Variants in LRMDA observed in about 807,000 individuals in gnomAD.
LRMDA encodes leucine-rich melanocyte differentiation-associated protein.
Under a neutral mutation model 29.8 loss-of-function variants are expected in LRMDA, and 18 were observed. The observed-to-expected ratio is 0.60, with a 90% confidence interval of 0.42 to 0.90. LRMDA has a LOEUF of 0.90. Ranked by LOEUF, LRMDA falls within the 40% of genes least tolerant of loss-of-function variation. The pLI is 0.00. For synonymous variants in LRMDA, 125 were observed against 109.4 expected (o/e 1.14, Z -0.89); for missense variants, 273 against 273.9 (o/e 1.00, Z 0.02).
intron 2 of LRMDA, among the ~76,000 whole-genome samples, chr10:75,735,790 T>C (rs1197469569): frequency 2.6e-5 from 4 of 152,198 alleles, no homozygotes; most frequent in Non-Finnish European, 4.4e-5. Flanking sequence ...CTCAGCAAGA[T>C]ATTCACGAGT....
intron 2 of LRMDA, among the ~76,000 whole-genome samples, chr10:75,672,553 CCCCTCCCCTCCCCTTCCCTTCCCTT>C (rs1841908333): frequency 4.2e-4 from 6 of 14,214 alleles, no homozygotes; most frequent in Admixed American, 8.2e-4. Context: ...CCCCTCCCCT[CCCCTCCCCTCCCCTTCCCTTCCCTT>C]CCCTTCCCTG....
chr10:75,787,659 T>G (rs1303875116), intron 2 of LRMDA, among the ~76,000 whole-genome samples: 1 of 152,242 alleles, frequency 6.6e-6, no homozygotes, highest in Non-Finnish European at 1.5e-5. Flanking sequence ...TAAAACATTT[T>G]TATTATAACA....
At chr10:75,582,696 C>G (rs1175231563) in intron 2 of LRMDA, among the ~76,000 whole-genome samples, 1 of 152,208 alleles carries the variant, frequency 6.6e-6, no homozygotes, top group Non-Finnish European at 1.5e-5. Context: ...CTGCAGCCTG[C>G]TTGAATTTCT....
chr10:76,274,247 A>C (rs563824063), intron 5 of LRMDA, among the ~76,000 whole-genome samples: 1 of 152,288 alleles, frequency 6.6e-6, no homozygotes, highest in East Asian at 1.9e-4. Context: ...TCCTCCATTT[A>C]GTTAATCCCA....
chr10:76,456,318 T>C (rs1170949385), intron 6 of LRMDA, among the ~76,000 whole-genome samples: 1 of 152,196 alleles, frequency 6.6e-6, no homozygotes, highest in African/African-American at 2.4e-5. Context: ...TGAAGTTTTA[T>C]CATGGAGGCC....
intron 5 of LRMDA, among the ~76,000 whole-genome samples, chr10:76,254,556 C>T (rs1852555621): frequency 6.6e-6 from 1 of 152,124 alleles, no homozygotes; most frequent in African/African-American, 2.4e-5. Context: ...CTCATATCTT[C>T]CATACCACCA....
chr10:75,548,983 C>T (rs2132053556), intron 2 of LRMDA, among the ~76,000 whole-genome samples: 1 of 152,166 alleles, frequency 6.6e-6, no homozygotes, highest in South Asian at 2.1e-4. Flanking sequence ...GTACAGTTGG[C>T]CCTGTATATC....
intron 6 of LRMDA, among the ~76,000 whole-genome samples, chr10:76,467,811 G>T (rs762086957): frequency 6.6e-6 from 1 of 152,194 alleles, no homozygotes; most frequent in African/African-American, 2.4e-5. Flanking sequence ...TGGCATGCCA[G>T]CTTGGGTGCT....
intron 2 of LRMDA, among the ~76,000 whole-genome samples, chr10:75,641,189 G>C (rs1423611542): frequency 1.3e-5 from 2 of 152,152 alleles, no homozygotes; most frequent in African/African-American, 4.8e-5. Flanking sequence ...ACTTGCTTAA[G>C]GGAGGAGAAA....
chr10:76,374,620 G>A (rs112893025), intron 6 of LRMDA, among the ~76,000 whole-genome samples: 1,701 of 152,186 alleles, frequency 0.011, 19 homozygotes, highest in African/African-American at 0.028. Context: ...TTGAGTATAC[G>A]ACACAAATAA....
chr10:76,065,449 A>G (rs964122540), intron 5 of LRMDA, among the ~76,000 whole-genome samples: 1 of 152,252 alleles, frequency 6.6e-6, no homozygotes, highest in African/African-American at 2.4e-5. Flanking sequence ...ACTACTGTCC[A>G]TGAAGCCAGT....
chr10:75,681,016 T>C (rs1469979836), intron 2 of LRMDA, among the ~76,000 whole-genome samples: 2 of 152,136 alleles, frequency 1.3e-5, no homozygotes, highest in African/African-American at 2.4e-5. Context: ...GTTAATGAAA[T>C]TGGAACTTTC....
intron 2 of LRMDA, among the ~76,000 whole-genome samples, chr10:75,712,806 C>A (rs1336370934): frequency 6.6e-6 from 1 of 151,810 alleles, no homozygotes; most frequent in African/African-American, 2.4e-5. Context: ...CCCCCCACCC[C>A]CAGCCCCCCA....
chr10:75,738,143 C>T (rs902315733), intron 2 of LRMDA, among the ~76,000 whole-genome samples: 1 of 152,106 alleles, frequency 6.6e-6, no homozygotes, highest in African/African-American at 2.4e-5. Context: ...GCCCTCTAAC[C>T]CCCTGGGGTA....
intron 5 of LRMDA, among the ~76,000 whole-genome samples, chr10:76,133,848 G>C (rs113052701): frequency 2.6e-5 from 4 of 152,266 alleles, no homozygotes; most frequent in African/African-American, 7.2e-5. Context: ...GGATGGGAAG[G>C]GGGGAGATGA....
intron 5 of LRMDA, among the ~76,000 whole-genome samples, chr10:76,309,891 C>CTGGAT (rs1262182910): frequency 6.6e-6 from 1 of 152,182 alleles, no homozygotes; most frequent in Non-Finnish European, 1.5e-5. Context: ...TGGTTCAAGT[C>CTGGAT]TGGATGCTGC....
At chr10:76,511,336 A>G (rs1056773632) in intron 6 of LRMDA, among the ~76,000 whole-genome samples, 8 of 151,940 alleles carry the variant, frequency 5.3e-5, no homozygotes, top group African/African-American at 1.2e-4. Flanking sequence ...TTTGACTTCT[A>G]TGCTAGTGCC....
At chr10:75,716,343 C>T (rs892237446) in intron 2 of LRMDA, among the ~76,000 whole-genome samples, 1 of 152,160 alleles carries the variant, frequency 6.6e-6, no homozygotes. Flanking sequence ...ACCTTGGAAA[C>T]CTTTTATCTT....
chr10:76,438,881 T>C (rs1473739753), intron 6 of LRMDA: 1 of 152,230 alleles, frequency 6.6e-6, no homozygotes, highest in Non-Finnish European at 1.5e-5. Context: ...AGACTCTTTT[T>C]TTTAATAAAG....
Sources: allele counts gnomAD v4.1 joint callset (sites outside exome capture counted in the v4.1 genomes callset), GRCh38; gene constraint gnomAD v4.1.1; transcripts MANE v1.5; gene names NCBI Gene and HGNC (gene_info 2026-07-23, HGNC 2026-07-21).